Variants in CNIH3 observed in about 807,000 individuals in gnomAD.
CNIH3 encodes cornichon family AMPA receptor auxiliary protein 3.
Under a neutral mutation model 24.1 loss-of-function variants are expected in CNIH3, and 14 were observed. That is an observed-to-expected ratio of 0.58 (90% CI 0.38 to 0.91). The LOEUF (loss-of-function observed/expected upper bound fraction) is 0.91, where lower values mean the gene tolerates loss of function less well. CNIH3 is among the 40% of genes least tolerant of loss of function. The pLI is 0.00. For missense variants in CNIH3, 178 were observed against 196.8 expected (o/e 0.90, Z 0.57); for synonymous variants, 68 against 73.8 (o/e 0.92, Z 0.40).
rs535322014 is a variant in CNIH3 at position 224,580,731 on chromosome 1, G to T, written n.517-2433G>T. Among the ~76,000 whole-genome samples the T allele has an allele frequency of 2.0e-5, 3 of 151,878 alleles. No individual in the cohort carries two copies. In the East Asian group the frequency reaches 5.8e-4, roughly 29 times the overall value. On this transcript the variant is annotated intron_variant and non_coding_transcript_variant, in intron 4 of 5. Transcript: ENST00000471578. ...AATCCCAGCTACTTGGGAGACTGAG[G>T]CAGGAGAATCGCTTGAACCAGGGAG... is the stretch of plus-strand genomic sequence containing the variant.
At chr1:224,532,117 G>A (rs1679096091) in intron 2 of CNIH3, among the ~76,000 whole-genome samples, 1 of 152,070 alleles carries the variant, frequency 6.6e-6, no homozygotes, top group South Asian at 2.1e-4. Flanking sequence ...ATAGAGGAGG[G>A]TAAGGGGAGT....
intron 1 of CNIH3, among the ~76,000 whole-genome samples, chr1:224,674,325 T>C (rs1686028694): frequency 2.9e-5 from 4 of 139,822 alleles, no homozygotes; most frequent in African/African-American, 2.7e-5. Context: ...TACAGCATGG[T>C]TATTTTTAGC....
intron 1 of CNIH3, among the ~76,000 whole-genome samples, chr1:224,641,828 C>G (rs1455620583): frequency 6.6e-6 from 1 of 152,174 alleles, no homozygotes. Context: ...TGGCTTGCAA[C>G]CATGTCAAAA....
intron 2 of CNIH3, among the ~76,000 whole-genome samples, chr1:224,523,548 G>T (rs1481241787): frequency 2.0e-5 from 3 of 152,142 alleles, no homozygotes; most frequent in Non-Finnish European, 2.9e-5. Flanking sequence ...ACAGGGGAAA[G>T]GGTTGGTGAT....
intron 1 of CNIH3, among the ~76,000 whole-genome samples, chr1:224,478,918 A>G (rs1186009368): frequency 6.6e-6 from 1 of 152,096 alleles, no homozygotes; most frequent in East Asian, 1.9e-4. Context: ...CCCTTATAAT[A>G]ACCATCAGAT....
At chr1:224,529,231 C>T (rs1369607305) in intron 2 of CNIH3, 1 of 152,196 alleles carries the variant, frequency 6.6e-6, no homozygotes, top group African/African-American at 2.4e-5. Flanking sequence ...ACACTGGTAT[C>T]CAGTGATCCA....
chr1:224,476,913 T>G (rs1189428664), intron 1 of CNIH3, among the ~76,000 whole-genome samples: 1 of 152,152 alleles, frequency 6.6e-6, no homozygotes, highest in Admixed American at 6.5e-5. Context: ...ACATTCAATG[T>G]TAGTTTTGAG....
rs150492289 is a variant in CNIH3, at chr1:224,664,400, T to C, written c.82-16558T>C. 5.6e-3 allele frequency among the ~76,000 whole-genome samples: 860 copies of C among 152,326 alleles called. 14 individuals are homozygous for C. Among genetic ancestry groups the C allele is most frequent in the African/African-American group, 0.019 (810 of 41,554 alleles). ...CTGGTTTCACTAGTTGTGAAATAGA[T>C]TGATGGAAGATGACTGAAGCACATT... On this transcript the variant is annotated intron_variant, in intron 1 of 5. Transcript: ENST00000272133.
chr1:224,528,567 C>T (rs1186803251), intron 2 of CNIH3, among the ~76,000 whole-genome samples: 1 of 152,160 alleles, frequency 6.6e-6, no homozygotes, highest in Non-Finnish European at 1.5e-5. Flanking sequence ...AAGTGATCCA[C>T]CTCAGCCTCC....
chr1:224,522,395 G>A (rs1407976051), intron 2 of CNIH3, among the ~76,000 whole-genome samples: 1 of 152,186 alleles, frequency 6.6e-6, no homozygotes, highest in East Asian at 1.9e-4. Context: ...GGAAGGAGCT[G>A]GAGTCTGATT....
chr1:224,592,133 A>G (rs1458401267), downstream of CNIH3, among the ~76,000 whole-genome samples: 3 of 151,080 alleles, frequency 2.0e-5, no homozygotes, highest in Non-Finnish European at 4.4e-5. Context: ...GTGTGTGTGT[A>G]TATGTGTGTG....
intron 3 of CNIH3, among the ~76,000 whole-genome samples, chr1:224,714,852 A>G (rs1333060813): frequency 3.9e-5 from 6 of 152,186 alleles, no homozygotes; most frequent in African/African-American, 1.4e-4. Context: ...CAGCTTATAA[A>G]TGGTTGTTTG....
At chr1:224,569,567 G>A (rs985684613) in intron 4 of CNIH3, among the ~76,000 whole-genome samples, 1 of 152,096 alleles carries the variant, frequency 6.6e-6, no homozygotes, top group Non-Finnish European at 1.5e-5. Context: ...TGGATTACAG[G>A]ACACATGCAT....
chr1:224,526,718 G>A (rs997521379), intron 2 of CNIH3, among the ~76,000 whole-genome samples: 4 of 152,164 alleles, frequency 2.6e-5, no homozygotes, highest in African/African-American at 9.7e-5. Flanking sequence ...TTGCTACAAA[G>A]AAACACCTGA....
At chr1:224,599,587 C>T (rs746174967) in intron 3 of CNIH3, among the ~76,000 whole-genome samples, 1 of 151,570 alleles carries the variant, frequency 6.6e-6, no homozygotes, top group Non-Finnish European at 1.5e-5. Context: ...TTTATTTGAT[C>T]ACAATCATTT....
chr1:224,718,232 C>T (rs2125216659), intron 3 of CNIH3, among the ~76,000 whole-genome samples: 1 of 152,018 alleles, frequency 6.6e-6, no homozygotes, highest in East Asian at 1.9e-4. Flanking sequence ...GAGGGCTCAT[C>T]TGAGGAGGTG....
chr1:224,621,524 G>A (rs539507060), intron 1 of CNIH3, among the ~76,000 whole-genome samples: 1 of 152,282 alleles, frequency 6.6e-6, no homozygotes. Context: ...TGTTCTACTT[G>A]TGATGCCCCT....
rs1485375729 is a variant in CNIH3 at position 224,603,047 on chromosome 1, G to A, written n.402+36783G>A. ...CTTTTTTCCAAAGATGATTTTGAGG[G>A]CTTCAGTATTTAAAGGGGAAAAGCA... On this transcript the variant is annotated intron_variant and non_coding_transcript_variant, in intron 3 of 7. Coordinates refer to the CNIH3 transcript ENST00000478120. 4.6e-5 allele frequency among the ~76,000 whole-genome samples: 7 copies of A among 152,194 alleles called. No individual in the cohort carries two copies. In the East Asian group the frequency reaches 1.3e-3, roughly 29 times the overall value.
intron 4 of CNIH3, among the ~76,000 whole-genome samples, chr1:224,573,972 C>A (rs1268074870): frequency 6.6e-6 from 1 of 152,090 alleles, no homozygotes; most frequent in Non-Finnish European, 1.5e-5. Flanking sequence ...CAGTGTTGCC[C>A]AGGCTAGTCT....
Sources: gnomAD v4.1 joint callset for allele counts (sites outside exome capture counted in the v4.1 genomes callset) on GRCh38, gnomAD v4.1.1 for gene constraint, MANE v1.5 for transcripts, NCBI Gene and HGNC (gene_info 2026-07-23, HGNC 2026-07-21) for gene names.